The following MMP26 variants were observed in gnomAD, a reference collection of about 807,000 sequenced individuals.
MMP26 encodes matrix metallopeptidase 26, also known as matrix metalloproteinase-26.
Under a neutral mutation model 31.0 loss-of-function variants are expected in MMP26, and 33 were observed. The ratio of observed to expected loss-of-function variants is 1.06; its 90% CI spans 0.81 to 1.42. The LOEUF (loss-of-function observed/expected upper bound fraction) is 1.42. MMP26 is among the 40% of genes most tolerant of loss of function. MMP26 has a pLI of 0.00. For synonymous variants in MMP26, 122 were observed against 114.9 expected, an observed-to-expected ratio of 1.06 and a Z score of -0.40; for missense variants, 347 against 316.1, an observed-to-expected ratio of 1.10 and a Z score of -0.74.
chr11:4,882,911 A>G (rs1757920542), intron 2 of MMP26: 1 of 1,570,034 alleles, frequency 6.4e-7, no homozygotes, highest in South Asian at 1.2e-5. Context: ...GACACGAATT[A>G]TGCTTTGGAA....
chr11:4,969,368 G>C (rs1417087351), intron 2 of MMP26, among the ~76,000 whole-genome samples: 1 of 151,920 alleles, frequency 6.6e-6, no homozygotes, highest in East Asian at 1.9e-4. Context: ...AAATGACCTA[G>C]ATACTTAACA....
intron 2 of MMP26, among the ~76,000 whole-genome samples, chr11:4,781,936 C>G (rs1194381642): frequency 6.6e-6 from 1 of 152,198 alleles, no homozygotes; most frequent in Non-Finnish European, 1.5e-5. Context: ...ACTTGCTCTT[C>G]CTTGCCTTCC....
chr11:4,744,634 C>G (rs1388719386), intron 1 of MMP26, among the ~76,000 whole-genome samples: 1 of 152,170 alleles, frequency 6.6e-6, no homozygotes, highest in Admixed American at 6.6e-5. Context: ...AAAACTTATT[C>G]TTAAGGGATC....
chr11:4,723,812 T>C (rs1324211276), intron 1 of MMP26: 47 of 1,568,738 alleles, frequency 3.0e-5, no homozygotes, highest in Non-Finnish European at 3.9e-5. Context: ...CTCCACTTGG[T>C]CTCCAGCATC....
intron 2 of MMP26, among the ~76,000 whole-genome samples, chr11:4,872,075 T>C (rs1850318118): frequency 6.6e-6 from 1 of 152,116 alleles, no homozygotes; most frequent in South Asian, 2.1e-4. Flanking sequence ...GTGCATGCAA[T>C]AGCAGTAATA....
intron 2 of MMP26, among the ~76,000 whole-genome samples, chr11:4,866,108 A>T (rs939412912): frequency 6.6e-6 from 1 of 152,166 alleles, no homozygotes; most frequent in African/African-American, 2.4e-5. Context: ...TACCACCAAG[A>T]TGTGTATACT....
intron 2 of MMP26, among the ~76,000 whole-genome samples, chr11:4,938,671 C>G (rs1479614430): frequency 1.3e-5 from 2 of 152,038 alleles, no homozygotes; most frequent in Non-Finnish European, 2.9e-5. Flanking sequence ...TTTATAAAAA[C>G]TTCTTGAGCA....
At chr11:4,804,494 A>T (rs1849237047) in intron 2 of MMP26, 1 of 831,920 alleles carries the variant, frequency 1.2e-6, no homozygotes, top group Non-Finnish European at 2.1e-6. Flanking sequence ...ATTGGATACC[A>T]GGGTGATTGG....
At chr11:4,960,871 A>C (rs144054374) in intron 2 of MMP26, among the ~76,000 whole-genome samples, 4,400 of 152,320 alleles carry the variant, frequency 0.029, 77 homozygotes, top group Middle Eastern at 0.065. Context: ...CATAAATGCA[A>C]AGGCATATAT....
Position 4,926,114 on chromosome 11 carries a change from T to A in MMP26, c.-144-61954T>A, listed in dbSNP as rs556492108. Among the ~76,000 whole-genome samples the A allele has an allele frequency of 2.4e-4, 37 of 152,220 alleles. 1 individual carries two copies. Among genetic ancestry groups the A allele is most frequent in the Admixed American group, 1.6e-3 (25 of 15,284 alleles). On this transcript the variant is annotated intron_variant, in intron 2 of 7. Transcript: ENST00000380390. ...GGCCTCTACTGAAGAAAGAATACAA[T>A]CCCTGTAGCTTTTGCCACTCACATT...
In MMP26 at chr11:4,882,597, G is replaced by A. The variant is rs373780146; in HGVS notation, c.-144-105471G>A. 52 of 1,613,740 alleles carry A rather than the reference G, an allele frequency of 3.2e-5. No homozygotes were observed. Among genetic ancestry groups the A allele is most frequent in the African/African-American group, 6.7e-5 (5 of 74,892 alleles). ...CGTACTGTTCTGGGCATTGTGGCCC[G>A]AAAGAAGCAACAAAAAGCTCTCAGC... On this transcript the variant is annotated intron_variant, in intron 2 of 7. Transcript: ENST00000380390.
chr11:4,923,356 TC>T, intron 2 of MMP26: 1 of 1,519,788 alleles, frequency 6.6e-7, no homozygotes, highest in South Asian at 1.3e-5. Context: ...GTCCAAAACT[TC>T]CTCTCTTTAC....
At chr11:4,792,186 C>CA (rs35035436) in intron 2 of MMP26, among the ~76,000 whole-genome samples, 3,631 of 137,828 alleles carry the variant, frequency 0.026, 93 homozygotes, top group African/African-American at 0.068. Flanking sequence ...GTGTTTGACT[C>CA]AAAAAAAAAA....
intron 2 of MMP26, chr11:4,915,274 A>T: frequency 6.2e-7 from 1 of 1,614,064 alleles, no homozygotes; most frequent in Non-Finnish European, 8.5e-7. Flanking sequence ...GGTGGCAGAT[A>T]GCCACAAAGC....
chr11:4,939,790 A>G lies in MMP26; in HGVS notation c.-144-48278A>G, dbSNP rs77791950. Among the ~76,000 whole-genome samples the G allele has an allele frequency of 4.0e-3, 612 of 152,260 alleles. 2 individuals are homozygous for G. Among genetic ancestry groups the G allele is most frequent in the African/African-American group, 0.014 (563 of 41,560 alleles). Reference sequence around the variant, plus strand: ...CTTCCTTGGATATCTATAGCCTATTAAGAATAAATATTTGGAACTTAAGAG... The same window carrying G: ...CTTCCTTGGATATCTATAGCCTATTGAGAATAAATATTTGGAACTTAAGAG... On this transcript the variant is annotated intron_variant, in intron 2 of 7. Coordinates refer to ENST00000380390, the MANE Select transcript of MMP26 (RefSeq NM_021801.5).
intron 2 of MMP26, among the ~76,000 whole-genome samples, chr11:4,835,268 G>A (rs1467453310): frequency 6.7e-6 from 1 of 149,230 alleles, no homozygotes; most frequent in Non-Finnish European, 1.5e-5. Flanking sequence ...TTGCTATCCT[G>A]GAGAGCTTTG....
intron 1 of MMP26, among the ~76,000 whole-genome samples, chr11:4,755,812 A>T (rs948967897): frequency 3.9e-5 from 6 of 152,052 alleles, no homozygotes; most frequent in African/African-American, 1.4e-4. Context: ...TTTAAGAAAA[A>T]AAATAAAAAC....
chr11:4,935,205 T>C (rs1300539191), intron 2 of MMP26, among the ~76,000 whole-genome samples: 2 of 151,776 alleles, frequency 1.3e-5, no homozygotes, highest in Non-Finnish European at 2.9e-5. Context: ...TTCCTACCCA[T>C]GAGCATGGAA....
intron 2 of MMP26, among the ~76,000 whole-genome samples, chr11:4,829,361 A>G (rs1338521047): frequency 6.6e-6 from 1 of 152,174 alleles, no homozygotes. Context: ...TAACCTGAAG[A>G]TGAAGTCATC....
Sources: gnomAD v4.1 joint callset for allele counts (sites outside exome capture counted in the v4.1 genomes callset) on GRCh38, gnomAD v4.1.1 for gene constraint, MANE v1.5 for transcripts, NCBI Gene and HGNC (gene_info 2026-07-23, HGNC 2026-07-21) for gene names.